Variants in CARS1 observed in about 807,000 individuals in gnomAD.
CARS1 encodes the protein cysteine--tRNA ligase, cytoplasmic.
In CARS1, 48 loss-of-function variants were observed where a neutral mutation model predicts 106.2. The observed-to-expected ratio is 0.45, with a 90% confidence interval of 0.36 to 0.57. The LOEUF is 0.57. CARS1 is among the 20% of genes least tolerant of loss of function. The pLI, the probability that CARS1 is intolerant of heterozygous loss-of-function variation, is 0.00. For synonymous variants in CARS1, 409 were observed against 403.4 expected, an observed-to-expected ratio of 1.01 and a Z score of -0.17; for missense variants, 968 against 1,057.2, an observed-to-expected ratio of 0.92 and a Z score of 1.17.
At position 3,039,508 on chromosome 11, in the gene CARS1, C is replaced by T. The variant is rs758138126; in HGVS notation, c.553-216G>A. On this transcript the variant is annotated intron_variant, in intron 5 of 22. Transcript: ENST00000380525. This position sits in a 1 kb window ranked among gnomAD's most constrained non-coding sequence, Gnocchi z 5.6. ...CCAAGGCCTAACATGATCTTTCTGA[C>T]GCTTAATGAAATGAGCCCTGGGGGC... Among the ~76,000 whole-genome samples, 43 of 152,154 alleles carry T rather than the reference C, an allele frequency of 2.8e-4. No homozygotes were observed. The highest frequency in any genetic ancestry group is 7.2e-4 in the African/African-American group (30 of 41,452).
chr11:3,039,747 A>G lies in CARS1; in HGVS notation c.552+88T>C, dbSNP rs117569846. On this transcript the variant is annotated intron_variant, in intron 5 of 22. Transcript: ENST00000380525. This position sits in a 1 kb window ranked among gnomAD's most constrained non-coding sequence, Gnocchi z 5.6. ...TCAGGTGAAAACACAAGCTAGCTCA[A>G]GCCTACATTATTTACTTATGCGAAA... 9.1e-4 allele frequency: 592 copies of G among 653,884 alleles called. 10 individuals are homozygous for G. The East Asian group carries it at 0.017, about 19-fold the overall frequency. 40.5% of individuals were successfully genotyped at this position (653,884 alleles called of 1,614,324 possible).
chr11:3,005,473 T>C (rs1356493494), intron 19 of CARS1, 40 bp from the exon 20 acceptor site: 17 of 1,552,474 alleles, frequency 1.1e-5, no homozygotes, highest in Middle Eastern at 1.7e-4. Flanking sequence ...CTGGGCTCTG[T>C]GGGCCGTCCC....
chr11:3,028,309 GGTCT>G lies in CARS1; in HGVS notation c.1031+683_1031+686del. On this transcript the variant is annotated intron_variant, in intron 9 of 22. Coordinates refer to ENST00000380525, the MANE Select transcript of CARS1 (RefSeq NM_001014437.3). The surrounding 1 kb of genome is among the most constrained non-coding windows in gnomAD (Gnocchi z 4.4). ...CAGCCTGGCATTCGGGGCCACTACC[GGTCT>G]CCGCGTCTTGGTGGTAGTGGTCCCC... 1 of 534,732 alleles carries G rather than the reference GGTCT, an allele frequency of 1.9e-6. No individual in the cohort carries two copies. The allele number at this position is 534,732 out of a possible 1,614,324, so 33.1% of individuals were successfully genotyped here. A position where few individuals can be genotyped will look rare whatever the true frequency, so the allele number is the denominator to read the frequency against.
rs766414380 is a variant in CARS1 at position 3,039,285 on chromosome 11, T to C, written c.560A>G (p.Lys187Arg). Residue 187 changes from lysine (K) to arginine (R), a missense_variant, in exon 6 of 23, where the codon AAG becomes AGG. Physicochemically the swap from Lys to Arg is conservative, Grantham distance 26. Coordinates refer to ENST00000380525, the MANE Select transcript of CARS1 (RefSeq NM_001014437.3). The surrounding 1 kb of genome is among the most constrained non-coding windows in gnomAD (Gnocchi z 5.6). Reference protein sequence around the residue: ...NITDIDDKIIKRARQNHLFEQ... With the variant: ...NITDIDDKIIRRARQNHLFEQ... Reference sequence around the variant, plus strand: ...GAACAGGTGGTTCTGCCGGGCCCTCTTGATGATCTGGGGAGGGAAGGCAGA... The same window carrying C: ...GAACAGGTGGTTCTGCCGGGCCCTCCTGATGATCTGGGGAGGGAAGGCAGA... 9.9e-6 allele frequency: 16 copies of C among 1,608,854 alleles called. No individual in the cohort carries two copies. Among genetic ancestry groups the C allele is most frequent in the Non-Finnish European group, 1.3e-5 (15 of 1,175,462 alleles).
intron 2 of CARS1, among the ~76,000 whole-genome samples, chr11:3,047,495 A>C (rs1046831384): frequency 6.6e-6 from 1 of 151,990 alleles, no homozygotes; most frequent in Non-Finnish European, 1.5e-5. Context: ...TCTGCACCCC[A>C]CCACCTCAGG....
chr11:3,032,262 G>A lies in CARS1; in HGVS notation c.802-2819C>T, dbSNP rs181941821. On this transcript the variant is annotated intron_variant, in intron 7 of 22. Coordinates refer to ENST00000380525, the MANE Select transcript of CARS1 (RefSeq NM_001014437.3). ...TAATGTTTGCATTGTCAGTAGAGAC[G>A]GGGTTTCACCATGTTGGCCGGGATG... is the stretch of plus-strand genomic sequence containing the variant. 2.1e-3 allele frequency among the ~76,000 whole-genome samples: 314 copies of A among 152,044 alleles called. 2 individuals carry two copies. Among genetic ancestry groups the A allele is most frequent in the African/African-American group, 7.2e-3 (299 of 41,446 alleles).
intron 17 of CARS1, 47 bp downstream of exon 17, chr11:3,015,734 G>T (rs763534078): frequency 6.3e-5 from 95 of 1,519,022 alleles, no homozygotes; most frequent in Non-Finnish European, 7.9e-5. Context: ...GGGGTAGGGA[G>T]TGGGGAGGGA....
At chr11:3,001,863 T>C in intron 22 of CARS1, 107 bp downstream of exon 22, 1 of 937,448 alleles carries the variant, frequency 1.1e-6, no homozygotes, top group Middle Eastern at 2.1e-4. Context: ...TTCCAAATTT[T>C]CTACAGACAG....
Position 3,004,676 on chromosome 11 carries a change from G to A in CARS1, c.2217+690C>T, listed in dbSNP as rs1479501242. On this transcript the variant is annotated intron_variant, in intron 20 of 22. Coordinates refer to ENST00000380525, the MANE Select transcript of CARS1 (RefSeq NM_001014437.3). This position sits in a 1 kb window ranked among gnomAD's most constrained non-coding sequence, Gnocchi z 5.2. ...TGTTCCTGTTCTTCTGTCCTATTGGGCACCGAGGAACTTGGGCCATCCCTG... is the reference window on the plus strand; with the variant it reads ...TGTTCCTGTTCTTCTGTCCTATTGGACACCGAGGAACTTGGGCCATCCCTG... Among the ~76,000 whole-genome samples the A allele has an allele frequency of 2.6e-5, 4 of 152,202 alleles. No homozygotes were observed. The highest frequency in any genetic ancestry group is 5.9e-5 in the Non-Finnish European group (4 of 68,038).
chr11:3,007,040 A>C (rs7950766), intron 18 of CARS1, 81 bp from the exon 19 acceptor site: 8 of 1,208,432 alleles, frequency 6.6e-6, no homozygotes, highest in Non-Finnish European at 9.8e-6. Context: ...GTGCTGGGGA[A>C]GGAGGGGCCG....
rs1424898108 is a variant in CARS1, at chr11:3,047,994, G to A, written c.33C>T (p.Asp11=). 6.2e-7 allele frequency: 1 copy of A among 1,613,042 alleles called. No homozygotes were observed. Among genetic ancestry groups the A allele is most frequent in the Non-Finnish European group, 8.5e-7 (1 of 1,179,360 alleles). Residue 11 remains aspartate, a synonymous_variant, in exon 2 of 23, where the codon GAC becomes GAT. Coordinates refer to ENST00000380525, the MANE Select transcript of CARS1 (RefSeq NM_001014437.3). The part of the protein sequence containing the change: MADSSGQQAP[D]YRSILSISDE... ...CACTAATGCTCAGAATGGACCTGTA[G>A]TCAGGAGCTGCAAAGACAGAGGGCA...
At position 3,021,635 on chromosome 11, in the gene CARS1, G is replaced by A. The variant is rs920043038; in HGVS notation, c.1154-1303C>T. Among the ~76,000 whole-genome samples the A allele has an allele frequency of 7.9e-5, 12 of 152,042 alleles. No individual in the cohort carries two copies. The highest frequency in any genetic ancestry group is 2.9e-4 in the African/African-American group (12 of 41,398). On this transcript the variant is annotated intron_variant, in intron 10 of 22. Coordinates refer to ENST00000380525, the MANE Select transcript of CARS1 (RefSeq NM_001014437.3). This position sits in a 1 kb window ranked among gnomAD's most constrained non-coding sequence, Gnocchi z 5.3. Reference sequence around the variant, plus strand: ...TTTGAAAGATAAAAAAAGAAAACTAGGAAAAAAATTGCCATTATCTTTTAA... The same window carrying A: ...TTTGAAAGATAAAAAAAGAAAACTAAGAAAAAAATTGCCATTATCTTTTAA...
chr11:3,040,824 C>A lies in CARS1; in HGVS notation c.455+72G>T. 6.6e-7 allele frequency: 1 copy of A among 1,516,994 alleles called. No homozygotes were observed. Among genetic ancestry groups the A allele is most frequent in the Non-Finnish European group, 9.0e-7 (1 of 1,107,504 alleles). 94.0% of individuals were successfully genotyped at this position (1,516,994 alleles called of 1,614,324 possible). The stretch of plus-strand genomic sequence containing the variant: ...GATCTTTGTGGACCTAAGATCGCTG[C>A]TGTGGATCCCAATGGCTCTGACTTC... On this transcript the variant is annotated intron_variant, in intron 4 of 22. Transcript: ENST00000380525. This position sits in a 1 kb window ranked among gnomAD's most constrained non-coding sequence, Gnocchi z 5.8.
In CARS1 at chr11:3,037,992, T is replaced by C; in HGVS notation, c.801+58A>G. 4 of 1,538,268 alleles carry C rather than the reference T, an allele frequency of 2.6e-6. No individual in the cohort carries two copies. Among genetic ancestry groups the C allele is most frequent in the Non-Finnish European group, 3.6e-6 (4 of 1,121,358 alleles). On this transcript the variant is annotated intron_variant, in intron 7 of 22. Transcript: ENST00000380525. This position sits in a 1 kb window ranked among gnomAD's most constrained non-coding sequence, Gnocchi z 5.9. Reference sequence around the variant, plus strand: ...ATCAATCCGTGCACACAGATCAGTCTATGCACGGCCCGACATTTGACCCGA... The same window carrying C: ...ATCAATCCGTGCACACAGATCAGTCCATGCACGGCCCGACATTTGACCCGA...
rs1215025283 is a variant in CARS1, at chr11:3,041,845, C to T, written c.366+320G>A. ...TGCAACCACGCGTCCTCCTGAAAGG[C>T]GTGGCTGTGGATGACCTCAAGTACT... On this transcript the variant is annotated intron_variant, in intron 3 of 22. Transcript: ENST00000380525. The surrounding 1 kb of genome is among the most constrained non-coding windows in gnomAD (Gnocchi z 4.9). 1.3e-5 allele frequency among the ~76,000 whole-genome samples: 2 copies of T among 152,162 alleles called. No individual in the cohort carries two copies. The highest frequency in any genetic ancestry group is 1.5e-5 in the Non-Finnish European group (1 of 68,040).
Position 3,026,737 on chromosome 11 carries a change from G to A in CARS1, c.1092C>T (p.His364=). ...DTAKFASSEK[H]SYGKLVPEAV... Reference sequence around the variant, plus strand: ...CCTCAGGCACCAGCTTCCCATAGGAGTGCTTCTCGCTAGAAGCAAACTTCG... The same window carrying A: ...CCTCAGGCACCAGCTTCCCATAGGAATGCTTCTCGCTAGAAGCAAACTTCG... Residue 364 remains histidine (H), a synonymous_variant, in exon 10 of 23, where the codon CAC becomes CAT. Coordinates refer to ENST00000380525, the MANE Select transcript of CARS1 (RefSeq NM_001014437.3). 1.2e-6 allele frequency: 2 copies of A among 1,613,880 alleles called. No individual in the cohort carries two copies.
At chr11:3,005,303 T>G (rs1467650227) in intron 20 of CARS1, 63 bp downstream of exon 20, 1 of 1,210,442 alleles carries the variant, frequency 8.3e-7, no homozygotes, top group Admixed American at 1.8e-5. Context: ...AACTATGTAA[T>G]AATCGCAATG....
chr11:3,006,898 CA>C lies in CARS1; in HGVS notation c.2129del (p.Val710GlyfsTer13). The C allele has an allele frequency of 6.2e-7, 1 of 1,614,114 alleles. No individual in the cohort carries two copies. The highest frequency in any genetic ancestry group is 8.5e-7 in the Non-Finnish European group (1 of 1,179,982). On this transcript the variant is annotated frameshift_variant, in exon 19 of 23. Coordinates refer to ENST00000380525, the MANE Select transcript of CARS1 (RefSeq NM_001014437.3). LOFTEE classifies it high-confidence loss of function. The part of the protein sequence containing the change: ...LRDNILPELG[V>X]RFEDHEGLPT... ...ACCCACCTTCGTGGTCTTCAAACCG[CA>C]CCCCAAGCTCGGGCAGGATGTTGTC...
Position 3,006,948 on chromosome 11 carries a change from G to T in CARS1, c.2080C>A (p.Leu694Met), listed in dbSNP as rs775005597. The T allele has an allele frequency of 8.7e-6, 14 of 1,613,974 alleles. No homozygotes were observed. In the South Asian group the frequency reaches 1.4e-4, roughly 16 times the overall value. ...TCCCGCAGGGCATCGCTGAGCTGCA[G>T]AATCTCAGGGACTGTAGGAGAAGCA... ...IAREQKVPEILQLSDALRDNI... is the reference protein window; with the variant it reads ...IAREQKVPEIMQLSDALRDNI... Residue 694 changes from leucine (L) to methionine (M), a missense_variant, in exon 19 of 23, where the codon CTG becomes ATG. Physicochemically the swap from Leu to Met is conservative, Grantham distance 15. Transcript: ENST00000380525.
Sources: allele counts gnomAD v4.1 joint callset (sites outside exome capture counted in the v4.1 genomes callset), GRCh38; gene constraint gnomAD v4.1.1; non-coding constraint Gnocchi (gnomAD v3.1); transcripts MANE v1.5; gene names NCBI Gene and HGNC (gene_info 2026-07-23, HGNC 2026-07-21).